The following ASIC2 variants were observed in gnomAD, a reference collection of about 807,000 sequenced individuals.
The protein encoded by ASIC2 is acid sensing ion channel subunit 2.
In ASIC2, 25 loss-of-function variants were observed where a neutral mutation model predicts 57.3. The ratio of observed to expected loss-of-function variants is 0.44; its 90% CI spans 0.32 to 0.61. The LOEUF (loss-of-function observed/expected upper bound fraction) is 0.61, where lower values mean the gene tolerates loss of function less well. Among genes scored for constraint, ASIC2 ranks in the 20% least tolerant of loss-of-function variants. ASIC2 has a pLI of 0.06. For synonymous variants in ASIC2, 319 were observed against 307.5 expected (o/e 1.04, Z -0.39); for missense variants, 641 against 738.1 (o/e 0.87, Z 1.52).
At chr17:34,100,554 C>T (rs910985811) in intron 1 of ASIC2, among the ~76,000 whole-genome samples, 62 of 151,744 alleles carry the variant, frequency 4.1e-4, no homozygotes, top group Admixed American at 3.9e-3. Flanking sequence ...GAAGAGCGTC[C>T]GGCCCTCCAG....
At chr17:33,780,904 G>T (rs1001868585) in intron 1 of ASIC2, among the ~76,000 whole-genome samples, 11 of 152,222 alleles carry the variant, frequency 7.2e-5, no homozygotes, top group Admixed American at 6.5e-4. Context: ...CCCAGGCCAA[G>T]TTGTTTAGCT....
chr17:33,421,205 G>T (rs1016724074), intron 1 of ASIC2, among the ~76,000 whole-genome samples: 3 of 152,180 alleles, frequency 2.0e-5, no homozygotes, highest in Non-Finnish European at 4.4e-5. Flanking sequence ...ACCACAGCAG[G>T]GAGGAGGGGG....
chr17:33,980,733 C>T (rs1339356456), intron 1 of ASIC2: 1 of 152,204 alleles, frequency 6.6e-6, no homozygotes, highest in African/African-American at 2.4e-5. Context: ...CCAGATCATG[C>T]CTTCTTTACA....
At chr17:33,519,400 G>T (rs541541341) in intron 1 of ASIC2, among the ~76,000 whole-genome samples, 65 of 152,272 alleles carry the variant, frequency 4.3e-4, no homozygotes, top group Non-Finnish European at 8.8e-4. Context: ...TCGGGCTTGT[G>T]GGGCAGCTTT....
intron 1 of ASIC2, among the ~76,000 whole-genome samples, chr17:33,640,610 A>C (rs894333167): frequency 2.6e-5 from 4 of 152,252 alleles, no homozygotes; most frequent in Admixed American, 1.3e-4. Flanking sequence ...GTTCTTATTC[A>C]GTTCTTACTG....
At chr17:33,891,802 G>T (rs1435341127) in intron 1 of ASIC2, among the ~76,000 whole-genome samples, 2 of 152,094 alleles carry the variant, frequency 1.3e-5, no homozygotes, top group Non-Finnish European at 2.9e-5. Context: ...ACATTTAAAG[G>T]GGAGGGGTGA....
At chr17:33,649,072 A>G (rs1236314244) in intron 1 of ASIC2, among the ~76,000 whole-genome samples, 5 of 152,234 alleles carry the variant, frequency 3.3e-5, no homozygotes, top group Non-Finnish European at 5.9e-5. Flanking sequence ...CAACAAGGCC[A>G]GAAAAGAAAA....
chr17:33,324,296 T>G (rs201327793), intron 1 of ASIC2, among the ~76,000 whole-genome samples: 1 of 114,138 alleles, frequency 8.8e-6, no homozygotes. Context: ...AGAGCAAGGG[T>G]TTTTTTTTCA....
At chr17:33,789,539 T>C (rs1178713400) in intron 1 of ASIC2, among the ~76,000 whole-genome samples, 1 of 151,462 alleles carries the variant, frequency 6.6e-6, no homozygotes, top group Non-Finnish European at 1.5e-5. Context: ...ATCCCTAACT[T>C]GTATGGGCTC....
At chr17:33,038,840 CT>C (rs1426635332) in intron 3 of ASIC2, among the ~76,000 whole-genome samples, 1 of 151,872 alleles carries the variant, frequency 6.6e-6, no homozygotes, top group African/African-American at 2.4e-5. Context: ...ACCAAAGATC[CT>C]AAGGCACACC....
chr17:33,770,010 T>C (rs917979002), intron 1 of ASIC2, among the ~76,000 whole-genome samples: 11 of 152,214 alleles, frequency 7.2e-5, no homozygotes, highest in Non-Finnish European at 1.5e-4. Context: ...ATTCAGTTCA[T>C]AGAAAGCTGA....
rs574398818 is a variant in ASIC2 at position 33,088,725 on chromosome 17, C to T, written c.987+138G>A. 125 of 1,270,764 alleles carry T rather than the reference C, an allele frequency of 9.8e-5. 1 individual carries two copies. Among genetic ancestry groups the T allele is most frequent in the Middle Eastern group, 5.8e-4 (2 of 3,468 alleles). 78.7% of individuals were successfully genotyped at this position (1,270,764 alleles called of 1,614,324 possible). On this transcript the variant is annotated intron_variant, in intron 3 of 9. Coordinates refer to ENST00000225823, the MANE Select transcript of ASIC2 (RefSeq NM_183377.2). ...ACAGGTGGTACAGGAGAACTGGTGA[C>T]GAAGGTTAGCCAACATCTTTCTCTA...
chr17:34,099,178 A>G (rs147376266), intron 1 of ASIC2, among the ~76,000 whole-genome samples: 15 of 16,188 alleles, frequency 9.3e-4, no homozygotes, highest in South Asian at 5.0e-3. Flanking sequence ...GAAAGAAAGA[A>G]AGAAAGAAAG....
chr17:33,669,201 CT>C (rs981595358), intron 1 of ASIC2, among the ~76,000 whole-genome samples: 15 of 152,178 alleles, frequency 9.9e-5, no homozygotes, highest in Admixed American at 8.5e-4. Context: ...CTCAAAATTC[CT>C]GCCTCAAGGT....
At chr17:33,648,042 C>T (rs1906800413) in intron 1 of ASIC2, among the ~76,000 whole-genome samples, 1 of 152,210 alleles carries the variant, frequency 6.6e-6, no homozygotes, top group Admixed American at 6.5e-5. Flanking sequence ...CGGTCCCCAT[C>T]ATGAATCACA....
At chr17:33,525,546 G>C (rs987101937) in intron 1 of ASIC2, among the ~76,000 whole-genome samples, 1 of 152,158 alleles carries the variant, frequency 6.6e-6, no homozygotes, top group Non-Finnish European at 1.5e-5. Flanking sequence ...CGGGCTCACG[G>C]GTTCTGGCTT....
chr17:34,012,052 TCCCTC>T (rs1265509021), intron 1 of ASIC2, among the ~76,000 whole-genome samples: 6 of 152,096 alleles, frequency 3.9e-5, no homozygotes, highest in Non-Finnish European at 7.4e-5. Flanking sequence ...CCCTCCTTCC[TCCCTC>T]CCCTTATTTT....
intron 1 of ASIC2, among the ~76,000 whole-genome samples, chr17:33,173,543 A>G (rs1905612153): frequency 6.6e-6 from 1 of 152,234 alleles, no homozygotes; most frequent in South Asian, 2.1e-4. Flanking sequence ...GGGTGAATAA[A>G]GAAAGTGCCA....
intron 3 of ASIC2, among the ~76,000 whole-genome samples, chr17:33,055,774 T>C (rs1489888764): frequency 1.3e-5 from 2 of 152,156 alleles, no homozygotes; most frequent in Non-Finnish European, 2.9e-5. Flanking sequence ...GCCCTTGGCC[T>C]CTCTTCACGG....
Sources: gnomAD v4.1 joint callset for allele counts (sites outside exome capture counted in the v4.1 genomes callset) on GRCh38, gnomAD v4.1.1 for gene constraint, MANE v1.5 for transcripts, NCBI Gene and HGNC (gene_info 2026-07-23, HGNC 2026-07-21) for gene names.